The following CALCRL variants were observed in gnomAD, a reference collection of about 807,000 sequenced individuals.
CALCRL encodes the protein calcitonin gene-related peptide type 1 receptor.
CALCRL carries 27 observed loss-of-function variants against 60.4 expected under a neutral mutation model. The ratio of observed to expected loss-of-function variants is 0.45; its 90% CI spans 0.33 to 0.62. CALCRL has a LOEUF of 0.62. CALCRL is among the 20% of genes least tolerant of loss of function. The probability of loss-of-function intolerance (pLI) is 0.03; values close to 1 mark genes in which losing one functional copy is unlikely to be tolerated. For synonymous variants in CALCRL, 190 were observed against 182.6 expected (o/e 1.04, Z -0.33); for missense variants, 424 against 540.7 (o/e 0.78, Z 2.14).
intron 1 of CALCRL, among the ~76,000 whole-genome samples, chr2:187,388,790 CTCTA>C (rs1165957618): frequency 6.6e-6 from 1 of 151,868 alleles, no homozygotes; most frequent in African/African-American, 2.4e-5. Context: ...TTTTGCAAAA[CTCTA>C]TCATTTAATC....
rs1035114393 is a variant in CALCRL at position 187,346,218 on chromosome 2, T to G, written c.1352A>C (p.Asn451Thr). Residue 451 changes from asparagine (N) to threonine (T), a missense_variant, in exon 15 of 15, where the codon AAT becomes ACT. This residue lies in a region of CALCRL where 222 missense variants were observed against 265.6 expected (regional missense o/e 0.84). Transcript: ENST00000392370. ...TAAATTTTCTGGTTTTAAGAGAACATTTTCAATATCATGGATGCTTTTTCC... is the reference window on the plus strand; with the variant it reads ...TAAATTTTCTGGTTTTAAGAGAACAGTTTCAATATCATGGATGCTTTTTCC... ...LNGKSIHDIE[N>T]VLLKPENLYN 1.2e-6 allele frequency: 2 copies of G among 1,610,422 alleles called. No individual in the cohort carries two copies. The highest frequency in any genetic ancestry group is 1.7e-6 in the Non-Finnish European group (2 of 1,177,808).
At chr2:187,367,253 T>C (rs573473578) in intron 8 of CALCRL, among the ~76,000 whole-genome samples, 10 of 152,154 alleles carry the variant, frequency 6.6e-5, no homozygotes, top group Non-Finnish European at 8.8e-5. Flanking sequence ...GAAATTCTGA[T>C]ATCCAGTTTA....
chr2:187,415,254 G>T (rs1199869410), intron 1 of CALCRL, among the ~76,000 whole-genome samples: 2 of 152,176 alleles, frequency 1.3e-5, no homozygotes, highest in Non-Finnish European at 2.9e-5. Context: ...TTTGCTAAAA[G>T]CTGTGCTTAT....
At chr2:187,406,550 A>C (rs1367418504) in intron 1 of CALCRL, among the ~76,000 whole-genome samples, 1 of 152,126 alleles carries the variant, frequency 6.6e-6, no homozygotes, top group Non-Finnish European at 1.5e-5. Flanking sequence ...GGAAGCATTG[A>C]GAAGTCTAAC....
intron 1 of CALCRL, among the ~76,000 whole-genome samples, chr2:187,390,259 A>G (rs973229073): frequency 1.3e-5 from 2 of 152,200 alleles, no homozygotes; most frequent in African/African-American, 2.4e-5. Context: ...AGGGCACTGT[A>G]GTACATATTT....
rs1686238465 is a variant in CALCRL, at chr2:187,345,557, C to T, written c.*627G>A. 6.6e-6 allele frequency: 1 copy of T among 151,984 alleles called. No homozygotes were observed. The highest frequency in any genetic ancestry group is 2.4e-5 in the African/African-American group (1 of 41,370). The allele number at this position is 151,984 out of a possible 1,614,324, so 9.4% of individuals were successfully genotyped here. A position where few individuals can be genotyped will look rare whatever the true frequency, so the allele number is the denominator to read the frequency against. ...ATGCCACAAGATATAACTGATGTGT[C>T]AGCAAATGAGTAGATCATAACAATT... On this transcript the variant is annotated 3_prime_UTR_variant, in exon 15 of 15. Transcript: ENST00000392370.
At chr2:187,384,115 AG>A (rs1688103928) in intron 4 of CALCRL, among the ~76,000 whole-genome samples, 1 of 152,062 alleles carries the variant, frequency 6.6e-6, no homozygotes, top group South Asian at 2.1e-4. Context: ...TTTTTCTAGC[AG>A]GAAGTTGAAT....
intron 1 of CALCRL, among the ~76,000 whole-genome samples, chr2:187,421,855 T>G (rs759632971): frequency 2.0e-5 from 3 of 152,202 alleles, no homozygotes; most frequent in Non-Finnish European, 4.4e-5. Context: ...CGTCGCAAGT[T>G]GGATCTCCCA....
chr2:187,427,304 G>T (rs1241707804), intron 1 of CALCRL, among the ~76,000 whole-genome samples: 1 of 152,102 alleles, frequency 6.6e-6, no homozygotes, highest in African/African-American at 2.4e-5. Context: ...TAAGGGTATG[G>T]ATAACTCACT....
chr2:187,378,907 G>T, intron 8 of CALCRL, 33 bp downstream of exon 8: 1 of 1,304,136 alleles, frequency 7.7e-7, no homozygotes, highest in Non-Finnish European at 1.1e-6. Context: ...AAGACATCTA[G>T]TAATTTTCTT....
intron 1 of CALCRL, among the ~76,000 whole-genome samples, chr2:187,390,414 A>C (rs1688387551): frequency 1.3e-5 from 2 of 152,184 alleles, no homozygotes; most frequent in South Asian, 4.1e-4. Context: ...AGTCAGGATT[A>C]AATTACCTTT....
chr2:187,365,606 A>T (rs840617), intron 8 of CALCRL, among the ~76,000 whole-genome samples: 121,683 of 152,118 alleles, frequency 0.8, 49,030 homozygotes, highest in Middle Eastern at 0.85. Flanking sequence ...AACTATGACG[A>T]AAAGATTGAG....
chr2:187,377,545 T>G (rs1420857520), intron 8 of CALCRL, among the ~76,000 whole-genome samples: 1 of 152,110 alleles, frequency 6.6e-6, no homozygotes, highest in African/African-American at 2.4e-5. Context: ...GAAATATTTT[T>G]GAGATGATGT....
In CALCRL at chr2:187,378,920, A is replaced by G; in HGVS notation, c.500+20T>C. 1 of 1,476,152 alleles carries G rather than the reference A, an allele frequency of 6.8e-7. No individual in the cohort carries two copies. 91.4% of individuals were successfully genotyped at this position (1,476,152 alleles called of 1,614,324 possible). On this transcript the variant is annotated intron_variant, in intron 8 of 14. Coordinates refer to ENST00000392370, the MANE Select transcript of CALCRL (RefSeq NM_005795.6). The stretch of plus-strand genomic sequence containing the variant: ...CCAAGACATCTAGTAATTTTCTTAA[A>G]ATATTTTAAATTTACTTACTTGAAA...
At chr2:187,416,441 TGGC>T (rs987403987) in intron 1 of CALCRL, among the ~76,000 whole-genome samples, 1 of 152,070 alleles carries the variant, frequency 6.6e-6, no homozygotes, top group African/African-American at 2.4e-5. Context: ...GATACAAGAG[TGGC>T]CCTGTTTCTT....
intron 1 of CALCRL, among the ~76,000 whole-genome samples, chr2:187,422,947 A>G (rs1165656101): frequency 6.6e-6 from 1 of 152,052 alleles, no homozygotes; most frequent in Non-Finnish European, 1.5e-5. Flanking sequence ...ATAGTCTACT[A>G]GAAGATATAA....
intron 1 of CALCRL, among the ~76,000 whole-genome samples, chr2:187,409,328 A>G (rs1689261637): frequency 1.3e-5 from 2 of 152,154 alleles, no homozygotes; most frequent in Non-Finnish European, 2.9e-5. Context: ...AACATCTGTC[A>G]GAAGATATTT....
intron 1 of CALCRL, among the ~76,000 whole-genome samples, chr2:187,395,361 C>T (rs1224361688): frequency 6.6e-6 from 1 of 152,026 alleles, no homozygotes; most frequent in Non-Finnish European, 1.5e-5. Context: ...CACATTTATA[C>T]TTTTTCCCAA....
Position 187,389,175 on chromosome 2 carries a change from A to G in CALCRL, c.-292-1419T>C, listed in dbSNP as rs374041718. 8.6e-5 allele frequency among the ~76,000 whole-genome samples: 13 copies of G among 151,076 alleles called. No individual in the cohort carries two copies. The East Asian group carries it at 1.6e-3, about 18-fold the overall frequency. On this transcript the variant is annotated intron_variant, in intron 1 of 14. Transcript: ENST00000392370. ...GCAATCTCCGTCTTGCAGGTTCAAG[A>G]GATTTGCCTGCCTCAGTCTCTCGAA... is the stretch of plus-strand genomic sequence containing the variant.
Sources: gnomAD v4.1 joint callset for allele counts (sites outside exome capture counted in the v4.1 genomes callset) on GRCh38, gnomAD v4.1.1 for gene constraint, gnomAD v4.1.1 regional missense constraint, MANE v1.5 for transcripts, NCBI Gene and HGNC (gene_info 2026-07-23, HGNC 2026-07-21) for gene names.